The following TVP23A variants were observed in gnomAD, a reference collection of about 807,000 sequenced individuals.
TVP23A encodes the protein trans-golgi network vesicle protein 23 homolog A.
Under a neutral mutation model 31.7 loss-of-function variants are expected in TVP23A, and 21 were observed. That is an observed-to-expected ratio of 0.66 (90% CI 0.47 to 0.95). The LOEUF (loss-of-function observed/expected upper bound fraction) is 0.95, where lower values mean the gene tolerates loss of function less well. Ranked by LOEUF, TVP23A falls within the 40% of genes least tolerant of loss-of-function variation. The pLI is 0.00. For missense variants in TVP23A, 279 were observed against 255.6 expected, an observed-to-expected ratio of 1.09 and a Z score of -0.62; for synonymous variants, 104 against 96.0, an observed-to-expected ratio of 1.08 and a Z score of -0.49.
rs1000732381 is a variant in TVP23A, at chr16:10,777,047, C to G, written c.90-1951G>C. ...CTGTGACTTAGAATGCCTTAACCGTCCAGGAATGCAGCCCAGTAGGTCTCA... is the reference window on the plus strand; with the variant it reads ...CTGTGACTTAGAATGCCTTAACCGTGCAGGAATGCAGCCCAGTAGGTCTCA... On this transcript the variant is annotated intron_variant, in intron 2 of 7. Transcript: ENST00000299866. The surrounding 1 kb of genome is among the most constrained non-coding windows in gnomAD (Gnocchi z 4.5). Among the ~76,000 whole-genome samples the G allele has an allele frequency of 6.6e-6, 1 of 152,164 alleles. No individual in the cohort carries two copies. The highest frequency in any genetic ancestry group is 2.4e-5 in the African/African-American group (1 of 41,438).
chr16:10,798,452 TG>T (rs996680010), intron 2 of TVP23A, among the ~76,000 whole-genome samples: 2 of 152,194 alleles, frequency 1.3e-5, no homozygotes, highest in African/African-American at 4.8e-5. Flanking sequence ...CCCATGCGTT[TG>T]TTCCTTCTTT....
intron 2 of TVP23A, 120 bp from the exon 3 acceptor site, chr16:10,775,216 G>T: frequency 1.4e-6 from 2 of 1,468,600 alleles, no homozygotes; most frequent in Non-Finnish European, 1.8e-6. Context: ...TGTTCTCCCC[G>T]GTGCATATGA....
intron 2 of TVP23A, among the ~76,000 whole-genome samples, chr16:10,794,943 C>G (rs570074728): frequency 2.0e-5 from 3 of 151,968 alleles, no homozygotes; most frequent in African/African-American, 7.3e-5. Context: ...GTAACACAGG[C>G]GACCCGAGGC....
At chr16:10,757,770 C>A, downstream of TVP23A, 1 of 1,443,578 alleles carries the variant, frequency 6.9e-7, no homozygotes, top group Non-Finnish European at 9.4e-7. This position sits in a 1 kb window ranked among gnomAD's most constrained non-coding sequence, Gnocchi z 4.1. Flanking sequence ...AAGAGCCAAC[C>A]TGGGCAACAT....
rs1380946923 is a variant in TVP23A, at chr16:10,767,716, C to G, written c.*1386G>C. On this transcript the variant is annotated 3_prime_UTR_variant, in exon 8 of 8. Transcript: ENST00000299866. This position sits in a 1 kb window ranked among gnomAD's most constrained non-coding sequence, Gnocchi z 4.6. ...TCAGTTCTCTGTAGGGCCCTGGAAC[C>G]TGCATTTTCTGTACACCACCTGATT... 2 of 567,784 alleles carry G rather than the reference C, an allele frequency of 3.5e-6. No individual in the cohort carries two copies. Among genetic ancestry groups the G allele is most frequent in the Non-Finnish European group, 6.3e-6 (2 of 318,644 alleles). 35.2% of individuals were successfully genotyped at this position (567,784 alleles called of 1,614,324 possible).
intron 2 of TVP23A, among the ~76,000 whole-genome samples, chr16:10,799,467 C>G (rs8051220): frequency 0.24 from 36,303 of 152,074 alleles, 9,787 homozygotes; most frequent in African/African-American, 0.66. Flanking sequence ...CCGAGTAGCT[C>G]GGATTACAGG....
intron 2 of TVP23A, among the ~76,000 whole-genome samples, chr16:10,783,613 T>C (rs1225976795): frequency 6.6e-6 from 1 of 151,848 alleles, no homozygotes; most frequent in Non-Finnish European, 1.5e-5. Context: ...GAAGCGGAGG[T>C]TGCAGTGAGC....
chr16:10,786,733 AACCTGGTGATGACTGGGGATGGGCATT>A (rs2032777510), intron 2 of TVP23A, among the ~76,000 whole-genome samples: 1 of 1,538 alleles, frequency 6.5e-4, no homozygotes, highest in South Asian at 0.028. Context: ...GGGCATTGGG[AACCTGGTGATGACTGGGGATGGGCATT>A]GGGAACGTCA....
At chr16:10,783,305 ACGTCTGCAC>A (rs1178754502) in intron 2 of TVP23A, among the ~76,000 whole-genome samples, 4 of 152,228 alleles carry the variant, frequency 2.6e-5, no homozygotes, top group Admixed American at 2.0e-4. Flanking sequence ...CTGAAAACTT[ACGTCTGCAC>A]AAAAAGCAAC....
At chr16:10,761,677 TTA>T, downstream of TVP23A, 1 of 1,189,198 alleles carries the variant, frequency 8.4e-7, no homozygotes. Flanking sequence ...TTTTTTTTTT[TTA>T]AGTTTCTTTA....
downstream of TVP23A, among the ~76,000 whole-genome samples, chr16:10,758,429 C>T (rs546658305): frequency 1.2e-3 from 189 of 152,292 alleles, 2 homozygotes; most frequent in African/African-American, 4.3e-3. Flanking sequence ...GCCATGATCA[C>T]GCCAGTGCAG....
chr16:10,792,053 G>C (rs1377888454), intron 2 of TVP23A, among the ~76,000 whole-genome samples: 2 of 152,214 alleles, frequency 1.3e-5, no homozygotes, highest in Non-Finnish European at 2.9e-5. Flanking sequence ...CAACCAATCT[G>C]TGTGCCCTAT....
At position 10,768,216 on chromosome 16, in the gene TVP23A, A is replaced by G; in HGVS notation, c.*886T>C. On this transcript the variant is annotated 3_prime_UTR_variant, in exon 8 of 8. Transcript: ENST00000299866. The surrounding 1 kb of genome is among the most constrained non-coding windows in gnomAD (Gnocchi z 4.3). ...ATGTGTGAGTATTGTGAATTAATTC[A>G]TAGTTTAAAAAACATGGTGAGGGTG... is the stretch of plus-strand genomic sequence containing the variant. 1 of 484,788 alleles carries G rather than the reference A, an allele frequency of 2.1e-6. No individual in the cohort carries two copies. Among genetic ancestry groups the G allele is most frequent in the Non-Finnish European group, 3.6e-6 (1 of 274,300 alleles). The allele number at this position is 484,788 out of a possible 1,614,324, so 30.0% of individuals were successfully genotyped here.
intron 2 of TVP23A, among the ~76,000 whole-genome samples, chr16:10,786,655 A>T (rs1213695083): frequency 6.6e-6 from 1 of 151,848 alleles, no homozygotes; most frequent in Non-Finnish European, 1.5e-5. Context: ...GCTTAAAAAT[A>T]ACCTGAGTGT....
At chr16:10,763,239 C>T (rs2030284402), downstream of TVP23A, among the ~76,000 whole-genome samples, 1 of 151,974 alleles carries the variant, frequency 6.6e-6, no homozygotes, top group Non-Finnish European at 1.5e-5. Flanking sequence ...TGGTTCATGT[C>T]CGTGCAGTTG....
Position 10,777,579 on chromosome 16 carries a change from A to C in TVP23A, c.90-2483T>G, listed in dbSNP as rs944914824. Reference sequence around the variant, plus strand: ...CAGGGGAATGTTAAGATTCAGAAGCAGACTTCACAGTGACTTTTTTGCGTA... The same window carrying C: ...CAGGGGAATGTTAAGATTCAGAAGCCGACTTCACAGTGACTTTTTTGCGTA... On this transcript the variant is annotated intron_variant, in intron 2 of 7. Coordinates refer to ENST00000299866, the MANE Select transcript of TVP23A (RefSeq NM_001079512.4). The surrounding 1 kb of genome is among the most constrained non-coding windows in gnomAD (Gnocchi z 4.5). 6.9e-6 allele frequency among the ~76,000 whole-genome samples: 1 copy of C among 145,322 alleles called. No homozygotes were observed. The highest frequency in any genetic ancestry group is 2.6e-5 in the African/African-American group (1 of 38,868).
chr16:10,791,665 T>TAGTGA (rs1259160543), intron 2 of TVP23A, among the ~76,000 whole-genome samples: 6 of 152,336 alleles, frequency 3.9e-5, no homozygotes, highest in African/African-American at 1.4e-4. Context: ...TGGAGTGCAG[T>TAGTGA]GGCACAATCT....
At chr16:10,761,129 A>T (rs1900939379), downstream of TVP23A, 1 of 414,646 alleles carries the variant, frequency 2.4e-6, no homozygotes, top group Admixed American at 4.1e-5. Flanking sequence ...AACTGCCCCC[A>T]TGATCCAATC....
At chr16:10,771,899 A>C in intron 5 of TVP23A, 101 bp from the exon 6 acceptor site, 1 of 1,447,562 alleles carries the variant, frequency 6.9e-7, no homozygotes, top group East Asian at 2.5e-5. Context: ...GCTCACTGCA[A>C]GTTCCGCCTC....
Sources: allele counts gnomAD v4.1 joint callset (sites outside exome capture counted in the v4.1 genomes callset), GRCh38; gene constraint gnomAD v4.1.1; non-coding constraint Gnocchi (gnomAD v3.1); transcripts MANE v1.5; gene names NCBI Gene and HGNC (gene_info 2026-07-23, HGNC 2026-07-21).